FOXP1: variants seen among roughly 807,000 people sequenced by gnomAD.
FOXP1 encodes forkhead box protein P1.
Under a neutral mutation model 98.2 loss-of-function variants are expected in FOXP1, and 15 were observed. The ratio of observed to expected loss-of-function variants is 0.15; its 90% CI spans 0.10 to 0.24. FOXP1 has a LOEUF of 0.24. Among genes scored for constraint, FOXP1 ranks in the 10% least tolerant of loss-of-function variants. FOXP1 has a pLI of 1.00. For missense variants in FOXP1, 633 were observed against 848.5 expected (o/e 0.75, Z 3.15); for synonymous variants, 371 against 314.5 (o/e 1.18, Z -1.90).
At chr3:71,565,959 A>G (rs774369207) in intron 2 of FOXP1, among the ~76,000 whole-genome samples, 2 of 152,224 alleles carry the variant, frequency 1.3e-5, no homozygotes, top group Non-Finnish European at 1.5e-5. Context: ...TAAATCAACG[A>G]GTGAATCAGT....
intron 4 of FOXP1, among the ~76,000 whole-genome samples, chr3:71,314,709 T>C (rs570174749): frequency 6.6e-6 from 1 of 152,184 alleles, no homozygotes; most frequent in African/African-American, 2.4e-5. Flanking sequence ...GGGTCTCACC[T>C]ACCTCAGTGG....
At chr3:71,227,692 T>C (rs910648114) in intron 5 of FOXP1, among the ~76,000 whole-genome samples, 2 of 151,820 alleles carry the variant, frequency 1.3e-5, no homozygotes, top group African/African-American at 4.8e-5. Flanking sequence ...AAAGATTTGT[T>C]TTGAGATTAA....
chr3:71,375,821 G>A (rs1037827933), intron 3 of FOXP1, among the ~76,000 whole-genome samples: 34 of 152,130 alleles, frequency 2.2e-4, no homozygotes, highest in African/African-American at 7.7e-4. Flanking sequence ...AGAAGGAAAC[G>A]GACTTGGTAA....
intron 3 of FOXP1, among the ~76,000 whole-genome samples, chr3:71,383,657 A>G (rs996638007): frequency 6.6e-6 from 1 of 152,156 alleles, no homozygotes; most frequent in African/African-American, 2.4e-5. Context: ...GTCTGTGCAC[A>G]TGTACTTAAC....
chr3:70,959,298 A>G lies in FOXP1; in HGVS notation c.1983T>C (p.Phe661=), dbSNP rs1276960565. 1 of 1,613,904 alleles carries G rather than the reference A, an allele frequency of 6.2e-7. No homozygotes were observed. The highest frequency in any genetic ancestry group is 8.5e-7 in the Non-Finnish European group (1 of 1,179,994). The change falls in exon 21 of 21, where the codon TTT becomes TTC. Residue 661 remains phenylalanine, a synonymous_variant. Coordinates refer to ENST00000649528, the MANE Select transcript of FOXP1 (RefSeq NM_001349338.3). ...LVTTANHSPD[F]DHDRDYEDEP... ...CATCTTCGTAATCTCTGTCATGGTCAAAATCTGGACTGTGGTTGGCTGTTG... is the reference window on the plus strand; with the variant it reads ...CATCTTCGTAATCTCTGTCATGGTCGAAATCTGGACTGTGGTTGGCTGTTG...
At chr3:71,169,575 T>C (rs1158918734) in intron 6 of FOXP1, among the ~76,000 whole-genome samples, 2 of 152,098 alleles carry the variant, frequency 1.3e-5, no homozygotes, top group Non-Finnish European at 2.9e-5. Flanking sequence ...CTGGCTTTTG[T>C]TTAACTGCAC....
intron 5 of FOXP1, among the ~76,000 whole-genome samples, chr3:71,217,230 G>A (rs2065010342): frequency 1.3e-5 from 2 of 151,912 alleles, no homozygotes; most frequent in Admixed American, 6.6e-5. Flanking sequence ...GTGCCACCAC[G>A]CCCAGCTAAG....
chr3:71,383,941 G>A (rs1473823101), intron 3 of FOXP1, among the ~76,000 whole-genome samples: 1 of 152,202 alleles, frequency 6.6e-6, no homozygotes, highest in Non-Finnish European at 1.5e-5. Context: ...AAGGCTGGCG[G>A]GCGCGGTGGC....
intron 3 of FOXP1, among the ~76,000 whole-genome samples, chr3:71,421,295 T>A (rs2083625043): frequency 6.6e-6 from 1 of 152,068 alleles, no homozygotes; most frequent in Non-Finnish European, 1.5e-5. Context: ...TAAAAAAAAT[T>A]AAACACATTA....
At chr3:71,405,890 G>A (rs112794878) in intron 3 of FOXP1, among the ~76,000 whole-genome samples, 6,556 of 151,750 alleles carry the variant, frequency 0.043, 461 homozygotes, top group African/African-American at 0.15. Context: ...CCCAACGCCC[G>A]GCTAATTTTT....
intron 6 of FOXP1, among the ~76,000 whole-genome samples, chr3:71,188,575 G>A (rs2062786589): frequency 1.3e-5 from 2 of 151,974 alleles, no homozygotes; most frequent in South Asian, 2.1e-4. Flanking sequence ...ATGCCAACAC[G>A]CCCGGCTAAT....
chr3:71,416,765 G>A (rs560994723), intron 3 of FOXP1, among the ~76,000 whole-genome samples: 10 of 152,168 alleles, frequency 6.6e-5, no homozygotes, highest in African/African-American at 2.4e-4. Flanking sequence ...CGTGGTACCT[G>A]GAAGCAGAGT....
intron 12 of FOXP1, among the ~76,000 whole-genome samples, chr3:71,013,661 T>C (rs539919591): frequency 2.0e-5 from 3 of 152,278 alleles, no homozygotes; most frequent in East Asian, 1.9e-4. Context: ...TTAAAGTTCA[T>C]ATGGAACCAA....
At chr3:71,431,296 T>C (rs2084693689) in intron 3 of FOXP1, among the ~76,000 whole-genome samples, 1 of 152,146 alleles carries the variant, frequency 6.6e-6, no homozygotes, top group Non-Finnish European at 1.5e-5. Context: ...TTATTCTCCA[T>C]AGACAGAGTG....
At chr3:71,139,648 C>T (rs997515956) in intron 6 of FOXP1, among the ~76,000 whole-genome samples, 1 of 149,630 alleles carries the variant, frequency 6.7e-6, no homozygotes, top group Non-Finnish European at 1.5e-5. Context: ...TTCTGTTCCT[C>T]GGCTCTATGG....
chr3:71,239,634 G>A (rs1423953199), intron 5 of FOXP1, among the ~76,000 whole-genome samples: 1 of 152,208 alleles, frequency 6.6e-6, no homozygotes, highest in East Asian at 1.9e-4. Flanking sequence ...TATAGCCATA[G>A]TACAAGTATT....
chr3:71,078,294 G>C (rs1229114703), intron 7 of FOXP1, among the ~76,000 whole-genome samples: 1 of 152,208 alleles, frequency 6.6e-6, no homozygotes, highest in Non-Finnish European at 1.5e-5. Context: ...TCAGTGAGAA[G>C]CATCCCTATA....
intron 19 of FOXP1, 139 bp downstream of exon 19, chr3:70,970,597 T>C: frequency 1.3e-6 from 1 of 780,784 alleles, no homozygotes; most frequent in Non-Finnish European, 2.3e-6. Context: ...CTCCAGGGAG[T>C]ATGATGCTTT....
chr3:71,544,734 C>G (rs1186648480), intron 2 of FOXP1, among the ~76,000 whole-genome samples: 1 of 152,050 alleles, frequency 6.6e-6, no homozygotes, highest in African/African-American at 2.4e-5. Flanking sequence ...GAGACAAGAC[C>G]AAATCGTCAT....
Sources: allele counts gnomAD v4.1 joint callset (sites outside exome capture counted in the v4.1 genomes callset), GRCh38; gene constraint gnomAD v4.1.1; transcripts MANE v1.5; gene names NCBI Gene and HGNC (gene_info 2026-07-23, HGNC 2026-07-21).